Variants in GPM6A observed in about 807,000 individuals in gnomAD.
The protein encoded by GPM6A is glycoprotein M6A.
A neutral mutation model predicts 32.1 loss-of-function variants in GPM6A; 7 were observed. The ratio of observed to expected loss-of-function variants is 0.22; its 90% CI spans 0.12 to 0.41. The LOEUF (loss-of-function observed/expected upper bound fraction) is 0.41. Among genes scored for constraint, GPM6A ranks in the 10% least tolerant of loss-of-function variants. The pLI, the probability that GPM6A is intolerant of heterozygous loss-of-function variation, is 1.00. For synonymous variants in GPM6A, 130 were observed against 123.4 expected (o/e 1.05, Z -0.35); for missense variants, 235 against 347.2 (o/e 0.68, Z 2.57).
intron 1 of GPM6A, chr4:175,872,630 C>T (rs1175992479): frequency 6.6e-6 from 1 of 152,142 alleles, no homozygotes; most frequent in Non-Finnish European, 1.5e-5. Flanking sequence ...ATACTCCCAT[C>T]TTTAAAGTTG....
At chr4:175,907,779 CT>C (rs1738178007) in intron 1 of GPM6A, among the ~76,000 whole-genome samples, 1 of 152,160 alleles carries the variant, frequency 6.6e-6, no homozygotes, top group African/African-American at 2.4e-5. Context: ...TGACTATTTA[CT>C]TCTTCATCAA....
chr4:175,843,053 GTAGT>G lies in GPM6A; in HGVS notation c.-22-30808_-22-30805del, dbSNP rs1160446534. On this transcript the variant is annotated intron_variant, in intron 1 of 7. Transcript: ENST00000280187. Reference sequence around the variant, plus strand: ...TTTATATGTATATATATGTATGTAGGTAGTTAGGTAGATATAGCAAACTTCAAGC... The same window carrying G: ...TTTATATGTATATATATGTATGTAGGTAGGTAGATATAGCAAACTTCAAGC... Among the ~76,000 whole-genome samples, 6 of 151,312 alleles carry G rather than the reference GTAGT, an allele frequency of 4.0e-5. No homozygotes were observed. In the East Asian group the frequency reaches 1.2e-3, roughly 29 times the overall value.
chr4:175,793,767 T>C (rs1274673144), intron 1 of GPM6A, among the ~76,000 whole-genome samples: 1 of 152,214 alleles, frequency 6.6e-6, no homozygotes, highest in African/African-American at 2.4e-5. Context: ...CATTTCCCAT[T>C]GTTTATGATA....
chr4:175,912,143 G>C (rs1738340744), intron 1 of GPM6A, among the ~76,000 whole-genome samples: 2 of 151,980 alleles, frequency 1.3e-5, no homozygotes, highest in African/African-American at 4.8e-5. Flanking sequence ...AAATAAACAA[G>C]TAAACAAATT....
chr4:175,814,782 A>C (rs577339561), upstream of GPM6A, among the ~76,000 whole-genome samples: 17 of 152,344 alleles, frequency 1.1e-4, no homozygotes, highest in South Asian at 3.5e-3. Flanking sequence ...ATCACCTGTC[A>C]GTAGGCTTTC....
chr4:175,909,232 TG>T (rs2111504481), intron 1 of GPM6A, among the ~76,000 whole-genome samples: 1 of 151,128 alleles, frequency 6.6e-6, no homozygotes, highest in South Asian at 2.2e-4. Context: ...GCGCCTTGAC[TG>T]AAAAAGGCAA....
At chr4:175,680,160 T>C (rs1743602803) in intron 2 of GPM6A, among the ~76,000 whole-genome samples, 1 of 152,162 alleles carries the variant, frequency 6.6e-6, no homozygotes, top group African/African-American at 2.4e-5. Context: ...CATATATACA[T>C]ATATATACAT....
At chr4:175,729,595 T>C (rs182576740) in intron 1 of GPM6A, among the ~76,000 whole-genome samples, 7 of 152,020 alleles carry the variant, frequency 4.6e-5, no homozygotes, top group African/African-American at 1.7e-4. Context: ...TAAAAGAGTA[T>C]AAGTGGATTG....
At chr4:175,638,197 T>G (rs115884106) in intron 6 of GPM6A, among the ~76,000 whole-genome samples, 6,300 of 151,382 alleles carry the variant, frequency 0.042, 166 homozygotes, top group Admixed American at 0.071. Context: ...TCTCAATTTT[T>G]AATATTAAGT....
At chr4:175,697,457 T>G (rs1240971221) in intron 2 of GPM6A, among the ~76,000 whole-genome samples, 1 of 152,168 alleles carries the variant, frequency 6.6e-6, no homozygotes, top group Non-Finnish European at 1.5e-5. Context: ...AGAGCTGTTT[T>G]GAGTGCTGAG....
At chr4:175,946,479 C>T (rs1442865949) in intron 1 of GPM6A, among the ~76,000 whole-genome samples, 3 of 152,092 alleles carry the variant, frequency 2.0e-5, no homozygotes, top group African/African-American at 7.2e-5. Context: ...AAATAAATTA[C>T]ACTATTTAGA....
intron 1 of GPM6A, among the ~76,000 whole-genome samples, chr4:175,863,812 G>A (rs890598974): frequency 6.6e-6 from 1 of 152,098 alleles, no homozygotes; most frequent in Admixed American, 6.6e-5. Flanking sequence ...GACCAGCCTG[G>A]CCAACAAAGT....
At chr4:175,976,487 CT>C (rs1740668660) in intron 1 of GPM6A, among the ~76,000 whole-genome samples, 1 of 152,044 alleles carries the variant, frequency 6.6e-6, no homozygotes, top group Admixed American at 6.6e-5. Flanking sequence ...TTTCAAACCC[CT>C]TTTTTATTAT....
intron 1 of GPM6A, among the ~76,000 whole-genome samples, chr4:175,771,919 AG>A (rs1373595364): frequency 6.6e-6 from 1 of 152,216 alleles, no homozygotes; most frequent in African/African-American, 2.4e-5. Flanking sequence ...GCTTTAGTAT[AG>A]AATTTTATTT....
intron 1 of GPM6A, among the ~76,000 whole-genome samples, chr4:175,830,511 C>T (rs1257940817): frequency 6.6e-6 from 1 of 152,094 alleles, no homozygotes; most frequent in African/African-American, 2.4e-5. Flanking sequence ...TTCACCATAC[C>T]TCTATTAGGT....
chr4:175,637,637 TA>T, intron 6 of GPM6A, among the ~76,000 whole-genome samples: 1 of 768 alleles, frequency 1.3e-3, no homozygotes, highest in East Asian at 0.071. Context: ...ATATATATAT[TA>T]TATATTATAT....
At chr4:175,802,438 G>A (rs1460327169) in intron 1 of GPM6A, among the ~76,000 whole-genome samples, 1 of 152,044 alleles carries the variant, frequency 6.6e-6, no homozygotes, top group African/African-American at 2.4e-5. Context: ...TTCAGATACT[G>A]TCTTGATCCC....
chr4:175,720,467 A>G (rs887708744), intron 1 of GPM6A, among the ~76,000 whole-genome samples: 10 of 152,200 alleles, frequency 6.6e-5, no homozygotes, highest in African/African-American at 2.4e-4. Flanking sequence ...GCTAAATAAA[A>G]CATTAGATCT....
chr4:175,730,474 T>A (rs1034707388), intron 1 of GPM6A, among the ~76,000 whole-genome samples: 1 of 139,048 alleles, frequency 7.2e-6, no homozygotes, highest in Non-Finnish European at 1.5e-5. Flanking sequence ...ATCTCTTCTT[T>A]TTTTTTTTCT....
Sources: allele counts gnomAD v4.1 joint callset (sites outside exome capture counted in the v4.1 genomes callset), GRCh38; gene constraint gnomAD v4.1.1; transcripts MANE v1.5; gene names NCBI Gene and HGNC (gene_info 2026-07-23, HGNC 2026-07-21).